CR1L: variants seen among roughly 807,000 people sequenced by gnomAD.
CR1L encodes the protein complement component receptor 1-like protein.
CR1L carries 59 observed loss-of-function variants against 62.3 expected under a neutral mutation model. The ratio of observed to expected loss-of-function variants is 0.95; its 90% confidence interval spans 0.77 to 1.18. The LOEUF is 1.18. Ranked by LOEUF, CR1L falls within the 50% of genes most tolerant of loss-of-function variation. The pLI, the probability that CR1L is intolerant of heterozygous loss-of-function variation, is 0.00. For missense variants in CR1L, 700 were observed against 702.8 expected, an observed-to-expected ratio of 1.00 and a Z score of 0.04; for synonymous variants, 279 against 248.7, an observed-to-expected ratio of 1.12 and a Z score of -1.15.
chr1:207,700,597 G>A (rs1260017514), intron 8 of CR1L, among the ~76,000 whole-genome samples: 1 of 152,172 alleles, frequency 6.6e-6, no homozygotes, highest in Non-Finnish European at 1.5e-5. Flanking sequence ...TCCATTTGGA[G>A]TTTTTTATAA....
intron 1 of CR1L, chr1:207,655,410 G>T: frequency 2.6e-5 from 7 of 268,486 alleles, no homozygotes; most frequent in East Asian, 9.1e-5. Context: ...TATATCTGTT[G>T]GTATTTATCA....
chr1:207,669,364 C>G, intron 1 of CR1L: 1 of 895,858 alleles, frequency 1.1e-6, no homozygotes, highest in East Asian at 2.5e-5. Flanking sequence ...AAGGATTGGT[C>G]ACTCCTCTTT....
At chr1:207,669,613 C>A in intron 1 of CR1L, 4 of 1,140,328 alleles carry the variant, frequency 3.5e-6, no homozygotes, top group South Asian at 1.3e-5. Flanking sequence ...ACGAGGCACC[C>A]AGGGCCCCGC....
intron 10 of CR1L, among the ~76,000 whole-genome samples, chr1:207,711,760 A>T (rs1444224934): frequency 6.6e-6 from 1 of 152,112 alleles, no homozygotes; most frequent in African/African-American, 2.4e-5. Context: ...TACAAAAATT[A>T]TCTGAGTGAG....
At position 207,701,556 on chromosome 1, in the gene CR1L, C is replaced by A. The variant is rs1206803574; in HGVS notation, c.1266C>A (p.Gly422=). ...SCETPPVPVN[G]MVHVITDIHV... is the part of the protein sequence containing the mutation. ...AAACTCCTCCAGTTCCAGTGAATGG[C>A]ATGGTGCATGTGATCACAGACATCC... Residue 422 remains glycine (G), a synonymous_variant, in exon 9 of 12, where the codon GGC becomes GGA. Coordinates refer to ENST00000508064, the MANE Select transcript of CR1L (RefSeq NM_175710.2). The A allele has an allele frequency of 1.2e-5, 19 of 1,613,710 alleles. No homozygotes were observed. Among genetic ancestry groups the A allele is most frequent in the Non-Finnish European group, 1.6e-5 (19 of 1,179,774 alleles).
intron 1 of CR1L, among the ~76,000 whole-genome samples, chr1:207,646,906 TTCTTC>T (rs1278840693): frequency 6.6e-6 from 1 of 152,192 alleles, no homozygotes; most frequent in Non-Finnish European, 1.5e-5. Context: ...TACGTTGCAT[TTCTTC>T]TCTTAGGAAC....
chr1:207,657,115 A>T (rs1358387554), intron 1 of CR1L: 5 of 703,332 alleles, frequency 7.1e-6, no homozygotes, highest in African/African-American at 1.8e-5. Flanking sequence ...TTTTTCTTCA[A>T]TTTTAAGAGA....
intron 1 of CR1L, among the ~76,000 whole-genome samples, chr1:207,654,408 A>C (rs1663273972): frequency 6.6e-6 from 1 of 152,220 alleles, no homozygotes; most frequent in Non-Finnish European, 1.5e-5. Context: ...AAGAAGTTCT[A>C]ACCTTATTGA....
chr1:207,652,176 T>A (rs2102439561), intron 1 of CR1L, among the ~76,000 whole-genome samples: 1 of 152,332 alleles, frequency 6.6e-6, no homozygotes, highest in South Asian at 2.1e-4. Flanking sequence ...GGAAGAACAA[T>A]CTGAGCAGAG....
At chr1:207,676,237 G>A (rs1488987582) in intron 1 of CR1L, among the ~76,000 whole-genome samples, 1 of 152,064 alleles carries the variant, frequency 6.6e-6, no homozygotes, top group Non-Finnish European at 1.5e-5. Flanking sequence ...CTTTTTAAAT[G>A]GATGGATGCT....
chr1:207,649,070 A>T (rs1411676066), intron 1 of CR1L, among the ~76,000 whole-genome samples: 1 of 152,158 alleles, frequency 6.6e-6, no homozygotes, highest in Non-Finnish European at 1.5e-5. Flanking sequence ...AACACGTGAT[A>T]ATTACCTGAG....
intron 1 of CR1L, among the ~76,000 whole-genome samples, chr1:207,677,042 T>A (rs1663702311): frequency 1.3e-5 from 2 of 152,040 alleles, no homozygotes. Flanking sequence ...GAGTGGGAAT[T>A]TCAGCAGGGC....
In CR1L at chr1:207,694,634, T is replaced by G. The variant is rs1664044832; in HGVS notation, c.745T>G (p.Ser249Ala). 3.7e-6 allele frequency: 6 copies of G among 1,611,898 alleles called. No homozygotes were observed. Among genetic ancestry groups the G allele is most frequent in the Non-Finnish European group, 3.4e-6 (4 of 1,179,726 alleles). Residue 249 changes from serine to alanine, a missense_variant, in exon 5 of 12, where the codon TCC becomes GCC. Physicochemically the swap from Ser to Ala is moderately conservative, Grantham distance 99. Coordinates refer to ENST00000508064, the MANE Select transcript of CR1L (RefSeq NM_175710.2). ...GGTATCTGACAACAGAAGCTTATTT[T>G]CCTTAAATGAAGTTGTGGAGTTTAG... ...ILVSDNRSLF[S>A]LNEVVEFRCQ...
At chr1:207,696,615 C>T (rs914291841) in intron 5 of CR1L, among the ~76,000 whole-genome samples, 17 of 152,184 alleles carry the variant, frequency 1.1e-4, no homozygotes, top group African/African-American at 3.6e-4. Flanking sequence ...TACAAACTCC[C>T]TAAAGAAGTC....
intron 4 of CR1L, among the ~76,000 whole-genome samples, chr1:207,684,913 T>C (rs1054929657): frequency 2.5e-4 from 38 of 152,338 alleles, no homozygotes; most frequent in Admixed American, 7.2e-4. Flanking sequence ...TGTTGTTACT[T>C]TTACTAGAAA....
intron 8 of CR1L, among the ~76,000 whole-genome samples, chr1:207,700,034 T>C (rs1664167500): frequency 6.6e-6 from 1 of 152,006 alleles, no homozygotes; most frequent in Admixed American, 6.6e-5. Context: ...AAGTCATTTT[T>C]TTAAAATGAG....
intron 4 of CR1L, among the ~76,000 whole-genome samples, chr1:207,684,980 G>T (rs1191039857): frequency 1.3e-5 from 2 of 152,068 alleles, no homozygotes; most frequent in East Asian, 3.9e-4. Context: ...ATTTATTGCT[G>T]TTTATCCACT....
chr1:207,712,531 T>A (rs758602069), intron 10 of CR1L, among the ~76,000 whole-genome samples: 1 of 152,176 alleles, frequency 6.6e-6, no homozygotes, highest in African/African-American at 2.4e-5. Context: ...CTACAATGTG[T>A]CAGCCGCCTC....
At chr1:207,686,936 G>C (rs1332282302) in intron 4 of CR1L, among the ~76,000 whole-genome samples, 1 of 152,212 alleles carries the variant, frequency 6.6e-6, no homozygotes, top group African/African-American at 2.4e-5. Flanking sequence ...GAATCTGCCA[G>C]AGAGGTTGGT....
Sources: allele counts gnomAD v4.1 joint callset (sites outside exome capture counted in the v4.1 genomes callset), GRCh38; gene constraint gnomAD v4.1.1; transcripts MANE v1.5; gene names NCBI Gene and HGNC (gene_info 2026-07-23, HGNC 2026-07-21).